The following TGS1 variants were observed in gnomAD, a reference collection of about 807,000 sequenced individuals.
The protein encoded by TGS1 is trimethylguanosine synthase.
Under a neutral mutation model 92.2 loss-of-function variants are expected in TGS1, and 69 were observed. The observed-to-expected ratio is 0.75, with a 90% CI of 0.62 to 0.91. The LOEUF (loss-of-function observed/expected upper bound fraction) is 0.91, where lower values mean the gene tolerates loss of function less well. Ranked by LOEUF, TGS1 falls within the 40% of genes least tolerant of loss-of-function variation. TGS1 has a pLI of 0.00. For missense variants in TGS1, 1,062 were observed against 1,001.2 expected (o/e 1.06, Z -0.82); for synonymous variants, 345 against 338.1 (o/e 1.02, Z -0.22).
chr8:55,777,017 G>A lies in TGS1; in HGVS notation c.101+3298G>A, dbSNP rs906385071. ...TGTTTTGTTTTTTGGGTTTTGGGAG[G>A]TTTATTTTGAGACTGGGTCTCACTT... On this transcript the variant is annotated intron_variant, in intron 1 of 12. Coordinates refer to ENST00000260129, the MANE Select transcript of TGS1 (RefSeq NM_024831.8). 4.6e-5 allele frequency among the ~76,000 whole-genome samples: 7 copies of A among 151,738 alleles called. No homozygotes were observed. In the East Asian group the frequency reaches 7.8e-4, roughly 17 times the overall value.
In TGS1 at chr8:55,809,453, A is replaced by ATT. The variant is rs11450515; in HGVS notation, c.2144-1415_2144-1414dup. Reference sequence around the variant, plus strand: ...TGGCTGAGGATTAACATTTGTCAGCATTTTTTTTTTTTTTGCAGTTGTGGG... The same window carrying ATT: ...TGGCTGAGGATTAACATTTGTCAGCATTTTTTTTTTTTTTTTGCAGTTGTGGG... On this transcript the variant is annotated intron_variant, in intron 10 of 12. Coordinates refer to ENST00000260129, the MANE Select transcript of TGS1 (RefSeq NM_024831.8). Among the ~76,000 whole-genome samples the ATT allele has an allele frequency of 9.0e-4, 131 of 145,796 alleles. 1 individual carries two copies. The highest frequency in any genetic ancestry group is 3.6e-3 in the Middle Eastern group (1 of 276).
At position 55,810,988 on chromosome 8, in the gene TGS1, C is replaced by T. The variant is rs1345406143; in HGVS notation, c.2251C>T (p.Leu751=). Residue 751 remains leucine, a synonymous_variant, in exon 11 of 13, where the codon CTG becomes TTG. Transcript: ENST00000260129. ...IEFICGDFLL[L]ASFLKADVVF... ...GTTCATCTGTGGAGATTTCTTGCTG[C>T]TGGCTTCTTTTTTAAAGGCTGATGT... is the stretch of plus-strand genomic sequence containing the variant. The T allele has an allele frequency of 4.3e-6, 7 of 1,614,036 alleles. No homozygotes were observed. The African/African-American group carries it at 9.3e-5, about 22-fold the overall frequency.
At chr8:55,795,824 G>A (rs547969482) in intron 6 of TGS1, among the ~76,000 whole-genome samples, 154 bp from the exon 7 acceptor site, 2 of 152,158 alleles carry the variant, frequency 1.3e-5, no homozygotes, top group African/African-American at 4.8e-5. Context: ...CAACTCTTCT[G>A]CAAGTTGAAC....
intron 3 of TGS1, 99 bp downstream of exon 3, chr8:55,785,990 G>A (rs551392058): frequency 1.1e-6 from 1 of 941,684 alleles, no homozygotes; most frequent in African/African-American, 1.7e-5. Flanking sequence ...TTCACGATCA[G>A]CGCTCTCTAC....
intron 1 of TGS1, 22 bp downstream of exon 1, chr8:55,773,741 T>C (rs1383842069): frequency 7.0e-6 from 11 of 1,576,966 alleles, no homozygotes; most frequent in Non-Finnish European, 8.7e-6. Flanking sequence ...AGAGAATCTC[T>C]TCATGTTCTA....
rs572739092 is a variant in TGS1 at position 55,801,644 on chromosome 8, A to G, written c.1850-813A>G. Among the ~76,000 whole-genome samples the G allele has an allele frequency of 3.7e-3, 459 of 122,940 alleles. 3 individuals carry two copies. Among genetic ancestry groups the G allele is most frequent in the Middle Eastern group, 0.017 (3 of 180 alleles). The allele number at this position is 122,940 out of a possible 152,430, so 80.7% of individuals were successfully genotyped here. On this transcript the variant is annotated intron_variant, in intron 8 of 12. Coordinates refer to ENST00000260129, the MANE Select transcript of TGS1 (RefSeq NM_024831.8). ...TGCTCTGTTGCCCAGGCTGGAGTGC[A>G]GTGGTGCAATCTCAGCTCACTGCAA...
At chr8:55,775,037 C>T (rs962098410) in intron 1 of TGS1, among the ~76,000 whole-genome samples, 1 of 152,102 alleles carries the variant, frequency 6.6e-6, no homozygotes, top group African/African-American at 2.4e-5. Context: ...ATCACTTGAG[C>T]CCGGAAGTTG....
chr8:55,805,651 C>A (rs1010161889), intron 10 of TGS1, among the ~76,000 whole-genome samples: 1 of 151,966 alleles, frequency 6.6e-6, no homozygotes. Context: ...TTTGGTAGGC[C>A]AAGGTAGGCG....
Position 55,824,642 on chromosome 8 carries a change from A to G in TGS1, c.2501A>G (p.Lys834Arg), listed in dbSNP as rs1348574888. The change falls in exon 13 of 13, where the codon AAA becomes AGA. Residue 834 changes from lysine to arginine, a missense_variant. Coordinates refer to ENST00000260129, the MANE Select transcript of TGS1 (RefSeq NM_024831.8). ...ATAGAACAGAACTTCCTTAACAACA[A>G]ATTGAAGACAATCACTGCATATTTT... ...VEIEQNFLNNKLKTITAYFGD... is the reference protein window; with the variant it reads ...VEIEQNFLNNRLKTITAYFGD... The G allele has an allele frequency of 2.5e-6, 4 of 1,614,238 alleles. No individual in the cohort carries two copies. Among genetic ancestry groups the G allele is most frequent in the Non-Finnish European group, 3.4e-6 (4 of 1,180,042 alleles).
intron 4 of TGS1, 147 bp downstream of exon 4, chr8:55,787,207 C>T: frequency 1.6e-6 from 1 of 616,204 alleles, no homozygotes; most frequent in Non-Finnish European, 2.8e-6. Context: ...ATCCTGTTTT[C>T]ATATCACAAG....
chr8:55,806,469 GTTTC>G (rs997091271), intron 10 of TGS1, among the ~76,000 whole-genome samples: 3 of 147,856 alleles, frequency 2.0e-5, no homozygotes, highest in African/African-American at 7.5e-5. Context: ...TTTTTTCTCT[GTTTC>G]TTTATTTTAG....
In TGS1 at chr8:55,785,741, G is replaced by A; in HGVS notation, c.189G>A (p.Glu63=). The change falls in exon 3 of 13, where the codon GAG becomes GAA. Residue 63 remains glutamate, a synonymous_variant. Coordinates refer to ENST00000260129, the MANE Select transcript of TGS1 (RefSeq NM_024831.8). ...NNSGDQATEE[E]EGGYSCGTAE... Reference sequence around the variant, plus strand: ...TAGGAGACCAGGCGACAGAAGAAGAGGAAGGTGGTTATTCCTGTGGTACTG... The same window carrying A: ...TAGGAGACCAGGCGACAGAAGAAGAAGAAGGTGGTTATTCCTGTGGTACTG... 6.2e-7 allele frequency: 1 copy of A among 1,610,038 alleles called. No homozygotes were observed. The highest frequency in any genetic ancestry group is 2.2e-5 in the East Asian group (1 of 44,768).
intron 12 of TGS1, among the ~76,000 whole-genome samples, chr8:55,814,957 T>C (rs1043161933): frequency 6.6e-6 from 1 of 152,066 alleles, no homozygotes; most frequent in African/African-American, 2.4e-5. Context: ...AGCTGCTTTC[T>C]AGACTGCCAG....
chr8:55,814,674 AATATATATAT>A (rs1040682059), intron 12 of TGS1, among the ~76,000 whole-genome samples: 2 of 123,352 alleles, frequency 1.6e-5, no homozygotes, highest in African/African-American at 7.1e-5. Flanking sequence ...AAAAAAAAAA[AATATATATAT>A]ATATATATAT....
At chr8:55,807,945 T>G (rs1486179058) in intron 10 of TGS1, among the ~76,000 whole-genome samples, 1 of 152,204 alleles carries the variant, frequency 6.6e-6, no homozygotes, top group Non-Finnish European at 1.5e-5. Context: ...TCTTACTAAT[T>G]TATATGAAGT....
At chr8:55,783,962 G>T (rs145209274) in intron 2 of TGS1, among the ~76,000 whole-genome samples, 1 of 152,292 alleles carries the variant, frequency 6.6e-6, no homozygotes, top group Admixed American at 6.5e-5. Context: ...CTGAGCTTTC[G>T]TAAGTATATT....
intron 4 of TGS1, among the ~76,000 whole-genome samples, chr8:55,787,712 C>CTG (rs1396846727): frequency 6.6e-6 from 1 of 152,138 alleles, no homozygotes; most frequent in Non-Finnish European, 1.5e-5. Flanking sequence ...CTTTGCATTG[C>CTG]TGTAAAGGAA....
chr8:55,797,976 T>G (rs1450157394), intron 7 of TGS1, among the ~76,000 whole-genome samples: 2 of 152,208 alleles, frequency 1.3e-5, no homozygotes, highest in Non-Finnish European at 2.9e-5. Context: ...ATAAATATGT[T>G]CGTGGTGCTA....
At chr8:55,805,511 ATAATTCTAGCAATTTGGGAGT>A (rs1271538640) in intron 10 of TGS1, among the ~76,000 whole-genome samples, 6 of 152,252 alleles carry the variant, frequency 3.9e-5, no homozygotes, top group Non-Finnish European at 8.8e-5. Context: ...ATTCATGCCC[ATAATTCTAGCAATTTGGGAGT>A]TAGAGGCAGG....
Sources: gnomAD v4.1 joint callset for allele counts (sites outside exome capture counted in the v4.1 genomes callset) on GRCh38, gnomAD v4.1.1 for gene constraint, MANE v1.5 for transcripts, NCBI Gene and HGNC (gene_info 2026-07-23, HGNC 2026-07-21) for gene names.